The following GRID2 variants were observed in gnomAD, a reference collection of about 807,000 sequenced individuals.
GRID2 encodes glutamate ionotropic receptor delta type subunit 2.
GRID2 carries 33 observed loss-of-function variants against 114.8 expected under a neutral mutation model. The ratio of observed to expected loss-of-function variants is 0.29; its 90% CI spans 0.22 to 0.38. The LOEUF (loss-of-function observed/expected upper bound fraction) is 0.38. Among genes scored for constraint, GRID2 ranks in the 10% least tolerant of loss-of-function variants. The pLI is 1.00. For missense variants in GRID2, 1,184 were observed against 1,257.7 expected, an observed-to-expected ratio of 0.94 and a Z score of 0.89; for synonymous variants, 505 against 449.9, an observed-to-expected ratio of 1.12 and a Z score of -1.55.
intron 8 of GRID2, 127 bp from the exon 9 acceptor site, chr4:93,395,480 A>T: frequency 1.9e-6 from 1 of 519,892 alleles, no homozygotes; most frequent in South Asian, 3.2e-5. Flanking sequence ...TAAAAAGAAA[A>T]CCTGTGCAGT....
chr4:92,499,966 G>A (rs1297367397), intron 1 of GRID2, among the ~76,000 whole-genome samples: 1 of 152,132 alleles, frequency 6.6e-6, no homozygotes, highest in Non-Finnish European at 1.5e-5. Flanking sequence ...ACAAATAATT[G>A]ATATTTTAAA....
At chr4:93,501,788 C>T (rs115605314) in intron 12 of GRID2, among the ~76,000 whole-genome samples, 289 of 152,136 alleles carry the variant, frequency 1.9e-3, no homozygotes, top group Non-Finnish European at 3.3e-3. Context: ...TTATAATCTT[C>T]CACAGCTTCT....
chr4:93,206,650 T>C (rs1742830860), intron 4 of GRID2, among the ~76,000 whole-genome samples: 1 of 150,824 alleles, frequency 6.6e-6, no homozygotes, highest in South Asian at 2.1e-4. Context: ...ATCTGAGGCT[T>C]ACTTCTTTGG....
chr4:92,422,664 C>T (rs1373718900), intron 1 of GRID2, among the ~76,000 whole-genome samples: 1 of 152,016 alleles, frequency 6.6e-6, no homozygotes, highest in Non-Finnish European at 1.5e-5. Context: ...CCAGCTAATC[C>T]ATCAAGTGCA....
At chr4:92,879,363 A>G (rs1337217988) in intron 2 of GRID2, among the ~76,000 whole-genome samples, 1 of 152,306 alleles carries the variant, frequency 6.6e-6, no homozygotes, top group African/African-American at 2.4e-5. Context: ...TCAGACTGAG[A>G]AAGGAAAAAA....
chr4:93,222,221 G>A (rs371689193), intron 6 of GRID2, among the ~76,000 whole-genome samples: 2 of 151,916 alleles, frequency 1.3e-5, no homozygotes, highest in South Asian at 2.1e-4. Context: ...TTGTGGAAAA[G>A]GTAGATTTAA....
intron 2 of GRID2, among the ~76,000 whole-genome samples, chr4:92,947,845 T>C (rs1396832436): frequency 6.6e-6 from 1 of 151,892 alleles, no homozygotes; most frequent in Admixed American, 6.6e-5. Flanking sequence ...TGATAATCAG[T>C]ATTTTTATTA....
At chr4:92,637,161 A>T (rs563736329) in intron 2 of GRID2, among the ~76,000 whole-genome samples, 61 of 151,454 alleles carry the variant, frequency 4.0e-4, no homozygotes, top group African/African-American at 1.4e-3. Flanking sequence ...TTGCCTTTCA[A>T]AATGCTTGAC....
At chr4:93,200,618 C>A (rs1742001509) in intron 4 of GRID2, among the ~76,000 whole-genome samples, 1 of 152,126 alleles carries the variant, frequency 6.6e-6, no homozygotes, top group Admixed American at 6.5e-5. Context: ...ACATTTGTGT[C>A]ATATAAAATA....
chr4:93,195,076 A>T (rs1369587333), intron 4 of GRID2, among the ~76,000 whole-genome samples: 1 of 152,172 alleles, frequency 6.6e-6, no homozygotes, highest in Admixed American at 6.6e-5. Context: ...TTTTTTATGT[A>T]TAGGATAGTT....
rs1352216420 is a variant in GRID2, at chr4:93,563,561, A to G, written c.2193+48150A>G. 2.6e-5 allele frequency among the ~76,000 whole-genome samples: 4 copies of G among 152,088 alleles called. No individual in the cohort carries two copies. The East Asian group carries it at 7.7e-4, about 29-fold the overall frequency. On this transcript the variant is annotated intron_variant, in intron 13 of 15. Coordinates refer to ENST00000282020, the MANE Select transcript of GRID2 (RefSeq NM_001510.4). ...TTGAAGATATGTATCATGTAACTTT[A>G]TTTCTTAAAGATTGTATTAGAGTTC... is the stretch of plus-strand genomic sequence containing the variant.
At chr4:92,495,343 A>G (rs1449589267) in intron 1 of GRID2, among the ~76,000 whole-genome samples, 3 of 151,986 alleles carry the variant, frequency 2.0e-5, no homozygotes, top group Admixed American at 2.0e-4. Context: ...GGGAATACTC[A>G]ACATACACAA....
intron 4 of GRID2, among the ~76,000 whole-genome samples, chr4:93,195,365 T>C (rs1741383392): frequency 6.6e-6 from 1 of 152,186 alleles, no homozygotes; most frequent in Non-Finnish European, 1.5e-5. Flanking sequence ...GTCTCAATCC[T>C]GTGGAGAACC....
At chr4:92,859,378 G>A (rs1417818800) in intron 2 of GRID2, among the ~76,000 whole-genome samples, 1 of 152,102 alleles carries the variant, frequency 6.6e-6, no homozygotes, top group East Asian at 1.9e-4. Context: ...TATATTCACT[G>A]GGAAACCAAA....
At chr4:93,788,209 T>G (rs1734630359) in intron 1 of GRID2, among the ~76,000 whole-genome samples, 1 of 151,680 alleles carries the variant, frequency 6.6e-6, no homozygotes, top group Non-Finnish European at 1.5e-5. Context: ...TCCCAGCTAC[T>G]CGGGAGGCTG....
intron 1 of GRID2, among the ~76,000 whole-genome samples, chr4:92,400,980 C>T (rs1360421087): frequency 1.3e-5 from 2 of 151,952 alleles, no homozygotes; most frequent in African/African-American, 2.4e-5. Context: ...TTTAAATAAC[C>T]TCAATATAAG....
intron 10 of GRID2, among the ~76,000 whole-genome samples, chr4:93,452,674 T>G (rs183394384): frequency 3.3e-5 from 5 of 152,236 alleles, no homozygotes; most frequent in South Asian, 2.1e-4. Flanking sequence ...GAAATAAGTA[T>G]GATTTTTAAT....
At chr4:92,471,899 T>C (rs1342273139) in intron 1 of GRID2, among the ~76,000 whole-genome samples, 1 of 151,094 alleles carries the variant, frequency 6.6e-6, no homozygotes, top group Non-Finnish European at 1.5e-5. Context: ...TAACGGAGCA[T>C]ACTTATTTGG....
chr4:92,829,097 T>C (rs1741926767), intron 2 of GRID2, among the ~76,000 whole-genome samples: 1 of 152,214 alleles, frequency 6.6e-6, no homozygotes. Flanking sequence ...CCCATACCTA[T>C]GTCCTGAATG....
Sources: gnomAD v4.1 joint callset for allele counts (sites outside exome capture counted in the v4.1 genomes callset) on GRCh38, gnomAD v4.1.1 for gene constraint, MANE v1.5 for transcripts, NCBI Gene and HGNC (gene_info 2026-07-23, HGNC 2026-07-21) for gene names.